The following KCNQ2 variants were observed in gnomAD, a reference collection of about 807,000 sequenced individuals.
KCNQ2 encodes the protein potassium voltage-gated channel subfamily KQT member 2.
KCNQ2 carries 14 observed loss-of-function variants against 84.8 expected under a neutral mutation model. That is an observed-to-expected ratio of 0.17 (90% confidence interval 0.11 to 0.26). The LOEUF is 0.26. KCNQ2 is among the 10% of genes least tolerant of loss of function. The pLI, the probability that KCNQ2 is intolerant of heterozygous loss-of-function variation, is 1.00. For missense variants in KCNQ2, 788 were observed against 1,254.0 expected, an observed-to-expected ratio of 0.63 and a Z score of 5.61; for synonymous variants, 599 against 554.1, an observed-to-expected ratio of 1.08 and a Z score of -1.14.
intron 12 of KCNQ2, among the ~76,000 whole-genome samples, chr20:63,418,566 C>T (rs1292598674): frequency 1.3e-5 from 2 of 152,334 alleles, no homozygotes; most frequent in East Asian, 3.9e-4. Flanking sequence ...CTTTCAAACC[C>T]CTCTGGTCCC....
rs2079825106 is a variant in KCNQ2, at chr20:63,402,203, C to T, written c.*4441G>A. On this transcript the variant is annotated 3_prime_UTR_variant, in exon 17 of 17. Transcript: ENST00000359125. ...TGCTGGGCACCCTCCACAGCAGGTC[C>T]AAGCCTCGTGAGCCGTCCCTCTCAC... The T allele has an allele frequency of 5.8e-6, 1 of 171,904 alleles. No homozygotes were observed. The highest frequency in any genetic ancestry group is 2.4e-5 in the African/African-American group (1 of 41,350). 10.6% of individuals were successfully genotyped at this position (171,904 alleles called of 1,614,324 possible).
intron 10 of KCNQ2, 200 bp from the exon 11 acceptor site, chr20:63,424,406 G>A (rs539678161): frequency 1.6e-6 from 1 of 617,674 alleles, no homozygotes; most frequent in Non-Finnish European, 2.9e-6. Context: ...AGGGCCCACG[G>A]AGGCAGCTCC....
At chr20:63,463,395 T>C (rs576061715) in intron 1 of KCNQ2, among the ~76,000 whole-genome samples, 1 of 152,244 alleles carries the variant, frequency 6.6e-6, no homozygotes, top group South Asian at 2.1e-4. Flanking sequence ...CTGACCACCC[T>C]ACTCCAGGAG....
intron 8 of KCNQ2, 102 bp downstream of exon 8, chr20:63,433,703 GAAAA>G (rs752847399): frequency 6.3e-7 from 1 of 1,594,642 alleles, no homozygotes; most frequent in Admixed American, 1.7e-5. Context: ...ACATTTTAAA[GAAAA>G]AAAATCAATC....
intron 1 of KCNQ2, among the ~76,000 whole-genome samples, chr20:63,458,542 G>A (rs867300319): frequency 2.6e-5 from 4 of 152,244 alleles, no homozygotes; most frequent in Middle Eastern, 3.4e-3. Flanking sequence ...AAGGCTGCCC[G>A]ACCATCCCTT....
chr20:63,413,355 C>A, intron 15 of KCNQ2, 95 bp downstream of exon 15: 2 of 1,498,914 alleles, frequency 1.3e-6, no homozygotes, highest in Non-Finnish European at 1.8e-6. Flanking sequence ...CCCGCCCACA[C>A]ACCCCCTGCA....
Position 63,404,923 on chromosome 20 carries a change from CAG to C in KCNQ2, c.*1719_*1720del, listed in dbSNP as rs2079892263. On this transcript the variant is annotated 3_prime_UTR_variant, in exon 17 of 17. Transcript: ENST00000359125. ...CCCAGCGGAGGCACCTCAATGGCGA[CAG>C]GGCCTGGGAGTGCCCTGGCCGGGCT... 6.6e-6 allele frequency: 1 copy of C among 152,278 alleles called. No individual in the cohort carries two copies. Among genetic ancestry groups the C allele is most frequent in the Non-Finnish European group, 1.5e-5 (1 of 68,072 alleles). 9.4% of individuals were successfully genotyped at this position (152,278 alleles called of 1,614,324 possible). A position where few individuals can be genotyped will look rare whatever the true frequency, so the allele number is the denominator to read the frequency against.
Position 63,415,046 on chromosome 20 carries a change from T to G in KCNQ2, c.1382A>C (p.Gln461Pro), listed in dbSNP as rs1057516116. 6.2e-7 allele frequency: 1 copy of G among 1,608,554 alleles called. No individual in the cohort carries two copies. Among genetic ancestry groups the G allele is most frequent in the Admixed American group, 1.7e-5 (1 of 59,998 alleles). The change falls in exon 13 of 17, where the codon CAG becomes CCG. Residue 461 changes from glutamine to proline, a missense_variant. Physicochemically the swap from Gln to Pro is moderately conservative, Grantham distance 76. This residue lies in a region of KCNQ2 where 202 missense variants were observed against 239.4 expected (regional missense o/e 0.84). Transcript: ENST00000359125. ...AAKGKGSPQAQTVRRSPSADQ... is the reference protein window; with the variant it reads ...AAKGKGSPQAPTVRRSPSADQ... The stretch of plus-strand genomic sequence containing the variant: ...GGCGCTGGGTGACCGCCTCACAGTC[T>G]GGGCCTGCGGGGACCCCTTCCCCTT...
chr20:63,444,532 C>T (rs997484215), intron 4 of KCNQ2, 127 bp downstream of exon 4: 6 of 688,606 alleles, frequency 8.7e-6, no homozygotes, highest in African/African-American at 7.4e-5. Flanking sequence ...CCAGCCAGAG[C>T]CACCACTGAC....
chr20:63,421,888 A>T (rs988705981), intron 11 of KCNQ2, among the ~76,000 whole-genome samples: 1 of 151,952 alleles, frequency 6.6e-6, no homozygotes, highest in Non-Finnish European at 1.5e-5. Flanking sequence ...CCCGACCCCA[A>T]CGTAGACGCT....
intron 1 of KCNQ2, among the ~76,000 whole-genome samples, chr20:63,449,791 C>T (rs777474723): frequency 1.3e-5 from 2 of 151,186 alleles, no homozygotes; most frequent in African/African-American, 2.4e-5. Context: ...CTTTTGGCCG[C>T]GGAGGCAGAA....
Position 63,400,506 on chromosome 20 carries a change from T to A in KCNQ2, c.*6138A>T, listed in dbSNP as rs1201661909. 5 of 397,376 alleles carry A rather than the reference T, an allele frequency of 1.3e-5. No homozygotes were observed. Among genetic ancestry groups the A allele is most frequent in the African/African-American group, 4.1e-5 (2 of 48,538 alleles). The allele number at this position is 397,376 out of a possible 1,614,324, so 24.6% of individuals were successfully genotyped here. ...AGATTGAAGTGTGCGGGGTAACACA[T>A]CCACCAAAAAAAGGCCTGGTCACTA... On this transcript the variant is annotated 3_prime_UTR_variant, in exon 17 of 17. Transcript: ENST00000359125. This position sits in a 1 kb window ranked among gnomAD's most constrained non-coding sequence, Gnocchi z 8.7.
rs1218149363 is a variant in KCNQ2, at chr20:63,408,892, C to G, written c.1764-356G>C. Among the ~76,000 whole-genome samples the G allele has an allele frequency of 6.6e-6, 1 of 152,254 alleles. No individual in the cohort carries two copies. Among genetic ancestry groups the G allele is most frequent in the Non-Finnish European group, 1.5e-5 (1 of 68,044 alleles). On this transcript the variant is annotated intron_variant, in intron 15 of 16. Coordinates refer to ENST00000359125, the MANE Select transcript of KCNQ2 (RefSeq NM_172107.4). This position sits in a 1 kb window ranked among gnomAD's most constrained non-coding sequence, Gnocchi z 5.0. ...CCCACCTGCTCACCCTCTTCCCTGC[C>G]CAAGGCCTATTGGCCCCACAGCCCA...
At chr20:63,467,572 G>A (rs919902463) in intron 1 of KCNQ2, among the ~76,000 whole-genome samples, 4 of 152,234 alleles carry the variant, frequency 2.6e-5, no homozygotes, top group African/African-American at 9.6e-5. Flanking sequence ...GCTCTTGCGA[G>A]CAGCTGCCAG....
chr20:63,414,190 G>A lies in KCNQ2; in HGVS notation c.1529C>T (p.Ala510Val). Residue 510 changes from alanine (A) to valine (V), a missense_variant, in exon 14 of 17, where the codon GCA becomes GTA. Coordinates refer to ENST00000359125, the MANE Select transcript of KCNQ2 (RefSeq NM_172107.4). This position sits in a 1 kb window ranked among gnomAD's most constrained non-coding sequence, Gnocchi z 6.6. Reference protein sequence around the residue: ...GAASRQNSEEASLPGEDIVDD... With the variant: ...GAASRQNSEEVSLPGEDIVDD... ...CACAATGTCCTCTCCGGGGAGGCTT[G>A]CTTCTGGGGGGAAGGAGACAGGCCG... 6.2e-7 allele frequency: 1 copy of A among 1,612,434 alleles called. No individual in the cohort carries two copies. The highest frequency in any genetic ancestry group is 8.5e-7 in the Non-Finnish European group (1 of 1,178,980).
rs540461827 is a variant in KCNQ2 at position 63,414,939 on chromosome 20, G to A, written c.1489C>T (p.Arg497Cys). 21 of 1,612,746 alleles carry A rather than the reference G, an allele frequency of 1.3e-5. No homozygotes were observed. Among genetic ancestry groups the A allele is most frequent in the Non-Finnish European group, 1.7e-5 (20 of 1,179,966 alleles). ...TGCCGTGACGCGGCACCCTTGATGC[G>A]GAAAGCCTGGCGTGCCCGGCTGCGG... ...GDRSRARQAF[R>C]IKGAASRQNS... is the part of the protein sequence containing the mutation. The change falls in exon 13 of 17, where the codon CGC (arginine) becomes TGC (cysteine). Residue 497 changes from arginine (R) to cysteine (C), a missense_variant. By Grantham distance (180) the Arg-to-Cys change is radical. Coordinates refer to ENST00000359125, the MANE Select transcript of KCNQ2 (RefSeq NM_172107.4). The surrounding 1 kb of genome is among the most constrained non-coding windows in gnomAD (Gnocchi z 6.6).
chr20:63,471,754 C>G (rs149270234), intron 1 of KCNQ2: 1,761 of 170,484 alleles, frequency 0.01, 18 homozygotes, highest in Non-Finnish European at 0.017. Flanking sequence ...CCCCTCCCCC[C>G]CGCCCTCGCT....
In KCNQ2 at chr20:63,406,778, T is replaced by C. The variant is rs1439430683; in HGVS notation, c.2485A>G (p.Lys829Glu). 3 of 1,612,472 alleles carry C rather than the reference T, an allele frequency of 1.9e-6. No individual in the cohort carries two copies. Among genetic ancestry groups the C allele is most frequent in the Admixed American group, 1.7e-5 (1 of 60,002 alleles). ...CCCTCCGCAATGTAGGGCCTGACTT[T>C]GGCACAAGGCGCCACGGCCGCGTAG... Reference protein sequence around the residue: ...SCYAAVAPCAKVRPYIAEGES... With the variant: ...SCYAAVAPCAEVRPYIAEGES... The change falls in exon 17 of 17, where the codon AAA (lysine) becomes GAA (glutamate). Residue 829 changes from lysine to glutamate, a missense_variant. Around this residue, in one of 8 missense-constraint regions of KCNQ2, gnomAD observed 378 missense variants for 434.5 expected, o/e 0.87. Coordinates refer to ENST00000359125, the MANE Select transcript of KCNQ2 (RefSeq NM_172107.4).
chr20:63,467,108 C>T (rs966965644), intron 1 of KCNQ2, among the ~76,000 whole-genome samples: 1 of 152,240 alleles, frequency 6.6e-6, no homozygotes, highest in Admixed American at 6.5e-5. Flanking sequence ...TAACAGGACA[C>T]GGCCTGGCCG....
Sources: gnomAD v4.1 joint callset for allele counts (sites outside exome capture counted in the v4.1 genomes callset) on GRCh38, gnomAD v4.1.1 for gene constraint, gnomAD v4.1.1 regional missense constraint, Gnocchi (gnomAD v3.1) non-coding constraint, MANE v1.5 for transcripts, NCBI Gene and HGNC (gene_info 2026-07-23, HGNC 2026-07-21) for gene names.